The following AGBL1 variants were observed in gnomAD, a reference collection of about 807,000 sequenced individuals.
The protein encoded by AGBL1 is AGBL carboxypeptidase 1.
A neutral mutation model predicts 118.9 loss-of-function variants in AGBL1; 130 were observed. The ratio of observed to expected loss-of-function variants is 1.09; its 90% CI spans 0.95 to 1.26. The LOEUF (loss-of-function observed/expected upper bound fraction) is 1.26. Among genes scored for constraint, AGBL1 ranks in the 50% most tolerant of loss-of-function variants. The probability of loss-of-function intolerance (pLI) is 0.00; values close to 1 mark genes in which losing one functional copy is unlikely to be tolerated. For synonymous variants in AGBL1, 555 were observed against 478.9 expected, an observed-to-expected ratio of 1.16 and a Z score of -2.08; for missense variants, 1,584 against 1,298.1, an observed-to-expected ratio of 1.22 and a Z score of -3.38.
chr15:86,257,516 C>T (rs1436598624), intron 8 of AGBL1, among the ~76,000 whole-genome samples: 1 of 152,188 alleles, frequency 6.6e-6, no homozygotes, highest in Non-Finnish European at 1.5e-5. Flanking sequence ...ATAATTTTGC[C>T]ACAATGGTAC....
At chr15:86,643,193 T>G (rs988542865) in intron 21 of AGBL1, among the ~76,000 whole-genome samples, 2 of 152,194 alleles carry the variant, frequency 1.3e-5, no homozygotes, top group African/African-American at 4.8e-5. Flanking sequence ...AGAAGTATCT[T>G]ATTTTGAGAA....
intron 21 of AGBL1, among the ~76,000 whole-genome samples, chr15:86,566,453 T>C (rs896049673): frequency 9.2e-5 from 14 of 152,182 alleles, no homozygotes; most frequent in African/African-American, 3.4e-4. Context: ...GAGAGGAATG[T>C]AATACATTAA....
intron 1 of AGBL1, among the ~76,000 whole-genome samples, chr15:86,120,513 C>T (rs1016448851): frequency 6.6e-6 from 1 of 152,178 alleles, no homozygotes; most frequent in Non-Finnish European, 1.5e-5. Flanking sequence ...CCCTCTTAGA[C>T]CTGGCCCCAT....
chr15:86,333,678 A>G (rs1443770300), intron 17 of AGBL1, among the ~76,000 whole-genome samples: 1 of 152,214 alleles, frequency 6.6e-6, no homozygotes, highest in East Asian at 1.9e-4. Context: ...TTCCTAACTT[A>G]TTCTATGAAA....
At chr15:86,215,895 T>TAG (rs2078179763) in intron 5 of AGBL1, among the ~76,000 whole-genome samples, 1 of 152,190 alleles carries the variant, frequency 6.6e-6, no homozygotes, top group Non-Finnish European at 1.5e-5. Context: ...AAATGATACT[T>TAG]GTGTGATTTC....
rs191297262 is a variant in AGBL1 at position 86,295,709 on chromosome 15, A to G, written c.2374+301A>G. On this transcript the variant is annotated intron_variant, in intron 17 of 22. Coordinates refer to ENST00000614907, the MANE Select transcript of AGBL1 (RefSeq NM_001386094.1). ...ACCAGGACCCTGAATCATATTTTCCAACTTCTAATCCAGGGACTTTTCTCA... is the reference window on the plus strand; with the variant it reads ...ACCAGGACCCTGAATCATATTTTCCGACTTCTAATCCAGGGACTTTTCTCA... The G allele has an allele frequency of 1.9e-5, 4 of 211,746 alleles. No individual in the cohort carries two copies. In the Admixed American group the frequency reaches 2.1e-4, roughly 11 times the overall value. The allele number at this position is 211,746 out of a possible 1,614,324, so 13.1% of individuals were successfully genotyped here. A position where few individuals can be genotyped will look rare whatever the true frequency, so the allele number is the denominator to read the frequency against.
At chr15:86,669,006 A>T (rs1343844694) in intron 21 of AGBL1, among the ~76,000 whole-genome samples, 6 of 152,174 alleles carry the variant, frequency 3.9e-5, no homozygotes, top group African/African-American at 1.4e-4. Flanking sequence ...GTGGTTCCTG[A>T]TTGGTAGTGT....
chr15:86,660,933 A>G (rs1414168627), intron 21 of AGBL1, among the ~76,000 whole-genome samples: 1 of 152,190 alleles, frequency 6.6e-6, no homozygotes, highest in Non-Finnish European at 1.5e-5. Flanking sequence ...AGTTTTAGTG[A>G]CTAAAAATGC....
chr15:87,008,845 C>A (rs1233786463), intron 24 of AGBL1, among the ~76,000 whole-genome samples: 2 of 152,160 alleles, frequency 1.3e-5, no homozygotes, highest in Non-Finnish European at 1.5e-5. Context: ...ATTTGTGGAA[C>A]ACTGAACTTC....
intron 17 of AGBL1, among the ~76,000 whole-genome samples, chr15:86,361,304 A>G (rs533782034): frequency 3.3e-5 from 5 of 152,126 alleles, no homozygotes; most frequent in Admixed American, 6.5e-5. Context: ...TGTGTTCATA[A>G]AAGATATTTG....
At chr15:86,253,286 T>C (rs1181247200) in intron 7 of AGBL1, among the ~76,000 whole-genome samples, 1 of 152,172 alleles carries the variant, frequency 6.6e-6, no homozygotes, top group East Asian at 1.9e-4. Flanking sequence ...AGTCTCGCTC[T>C]GTCACCCAGG....
At chr15:86,170,120 A>T (rs977069385) in intron 5 of AGBL1, among the ~76,000 whole-genome samples, 1 of 152,246 alleles carries the variant, frequency 6.6e-6, no homozygotes, top group Non-Finnish European at 1.5e-5. Context: ...TTAAAGAGCT[A>T]TTCTAACTAT....
At chr15:86,961,817 G>C (rs1177478335) in intron 23 of AGBL1, among the ~76,000 whole-genome samples, 2 of 152,038 alleles carry the variant, frequency 1.3e-5, no homozygotes. Flanking sequence ...GCCATTCTTA[G>C]GGTATGCCTA....
intron 18 of AGBL1, among the ~76,000 whole-genome samples, chr15:86,444,840 G>A (rs2082103185): frequency 6.6e-6 from 1 of 152,102 alleles, no homozygotes; most frequent in African/African-American, 2.4e-5. Context: ...TTGGGAAAAA[G>A]GAAGGAGGGG....
intron 3 of AGBL1, among the ~76,000 whole-genome samples, chr15:86,150,632 G>A (rs943595257): frequency 2.0e-5 from 3 of 151,820 alleles, no homozygotes; most frequent in African/African-American, 7.3e-5. Context: ...GCAATAAATA[G>A]CCTACCACCA....
chr15:86,417,327 T>C (rs1212139318), intron 18 of AGBL1, among the ~76,000 whole-genome samples: 1 of 152,206 alleles, frequency 6.6e-6, no homozygotes, highest in East Asian at 1.9e-4. Context: ...ATCACCTCTA[T>C]ATGTTTTCCT....
chr15:86,480,235 G>C (rs907349983), intron 18 of AGBL1, among the ~76,000 whole-genome samples: 2 of 152,152 alleles, frequency 1.3e-5, no homozygotes, highest in African/African-American at 4.8e-5. Flanking sequence ...TAATAAAAAA[G>C]AGTAACTATG....
intron 24 of AGBL1, among the ~76,000 whole-genome samples, chr15:87,003,039 C>G (rs9672166): frequency 0.099 from 15,061 of 152,198 alleles, 1,330 homozygotes; most frequent in African/African-American, 0.23. Context: ...TAAGAGAGGG[C>G]ATCCCTGTCT....
chr15:86,293,304 G>A (rs2079577889), intron 16 of AGBL1, among the ~76,000 whole-genome samples: 1 of 152,136 alleles, frequency 6.6e-6, no homozygotes. Flanking sequence ...AATCTCACTG[G>A]GCGAAGACCA....
Sources: allele counts gnomAD v4.1 joint callset (sites outside exome capture counted in the v4.1 genomes callset), GRCh38; gene constraint gnomAD v4.1.1; transcripts MANE v1.5; gene names NCBI Gene and HGNC (gene_info 2026-07-23, HGNC 2026-07-21).